Variants in PRKD2 observed in about 807,000 individuals in gnomAD.
PRKD2 encodes protein kinase D2, also known as serine/threonine-protein kinase D2.
In PRKD2, 22 loss-of-function variants were observed where a neutral mutation model predicts 86.0. The observed-to-expected ratio is 0.26, with a 90% confidence interval of 0.18 to 0.37. The LOEUF is 0.37. Ranked by LOEUF, PRKD2 falls within the 10% of genes least tolerant of loss-of-function variation. The pLI is 1.00. For synonymous variants in PRKD2, 509 were observed against 510.9 expected (o/e 1.00, Z 0.05); for missense variants, 818 against 1,199.2 (o/e 0.68, Z 4.70).
chr19:46,686,910 C>G (rs2053406937), intron 14 of PRKD2, among the ~76,000 whole-genome samples: 1 of 151,260 alleles, frequency 6.6e-6, no homozygotes, highest in South Asian at 2.1e-4. Context: ...GAGATGGTGC[C>G]ACTGCACTCC....
At chr19:46,689,802 C>T in intron 13 of PRKD2, 104 bp from the exon 14 acceptor site, 2 of 1,371,048 alleles carry the variant, frequency 1.5e-6, no homozygotes, top group Non-Finnish European at 2.0e-6. Flanking sequence ...GAAGGATGTC[C>T]CTGGGGTATT....
rs2053882674 is a variant in PRKD2, at chr19:46,716,436, C to T, written c.-66G>A. ...ACCCGGCCGGGGGGCCCCGGGGGAC[C>T]CTGGGTTCTAGATCCGCGGGATCTC... On this transcript the variant is annotated 5_prime_UTR_variant, in exon 1 of 18. Coordinates refer to ENST00000291281, the MANE Select transcript of PRKD2 (RefSeq NM_016457.5). This position sits in a 1 kb window ranked among gnomAD's most constrained non-coding sequence, Gnocchi z 7.9. 4 of 1,019,466 alleles carry T rather than the reference C, an allele frequency of 3.9e-6. No homozygotes were observed. In the African/African-American group the frequency reaches 6.9e-5, roughly 18 times the overall value. The allele number at this position is 1,019,466 out of a possible 1,614,324, so 63.2% of individuals were successfully genotyped here.
chr19:46,685,709 G>C (rs978805423), intron 14 of PRKD2: 1 of 152,284 alleles, frequency 6.6e-6, no homozygotes, highest in African/African-American at 2.4e-5. Flanking sequence ...AGCACTTCAG[G>C]AGGCTGAGGC....
At chr19:46,697,960 T>G (rs2053585148) in intron 7 of PRKD2, 110 bp from the exon 8 acceptor site, 1 of 864,086 alleles carries the variant, frequency 1.2e-6, no homozygotes, top group East Asian at 2.5e-5. Context: ...TGTTTTTGTT[T>G]GTTTGGTTTG....
At chr19:46,679,385 T>C (rs2053262186) in intron 15 of PRKD2, among the ~76,000 whole-genome samples, 1 of 152,162 alleles carries the variant, frequency 6.6e-6, no homozygotes, top group Admixed American at 6.6e-5. Flanking sequence ...GTCCCTACCT[T>C]AAAGGGTGCT....
At chr19:46,697,458 C>G in intron 8 of PRKD2, 3 of 592,064 alleles carry the variant, frequency 5.1e-6, no homozygotes, top group South Asian at 4.1e-5. Context: ...GACTCGCCCC[C>G]ACTTAGCCCT....
At chr19:46,680,946 A>ATTTTTTTTTT (rs1222612655) in intron 15 of PRKD2, among the ~76,000 whole-genome samples, 3 of 48,254 alleles carry the variant, frequency 6.2e-5, no homozygotes, top group Non-Finnish European at 1.2e-4. Context: ...ATATATATAT[A>ATTTTTTTTTT]TTTTTTTTTT....
intron 2 of PRKD2, 72 bp downstream of exon 2, chr19:46,713,791 C>G (rs2053842333): frequency 6.2e-6 from 8 of 1,297,810 alleles, no homozygotes; most frequent in South Asian, 1.4e-5. Context: ...TCTAACTCCC[C>G]CTACCCTCTC....
rs1164904573 is a variant in PRKD2, at chr19:46,693,845, C to A, written c.1576+30G>T. 3 of 1,563,736 alleles carry A rather than the reference C, an allele frequency of 1.9e-6. No homozygotes were observed. Among genetic ancestry groups the A allele is most frequent in the African/African-American group, 2.7e-5 (2 of 74,186 alleles). ...CGTGCCCCACCCATCTAGATCTATT[C>A]TCTCAAGGACCCGAGGTGGGAGGAC... On this transcript the variant is annotated intron_variant, in intron 10 of 17. Transcript: ENST00000291281. This position sits in a 1 kb window ranked among gnomAD's most constrained non-coding sequence, Gnocchi z 4.5.
At chr19:46,703,993 A>C (rs975953604) in intron 5 of PRKD2, among the ~76,000 whole-genome samples, 176 bp downstream of exon 5, 5 of 149,424 alleles carry the variant, frequency 3.3e-5, no homozygotes, top group Non-Finnish European at 6.0e-5. Context: ...ACACACACAC[A>C]ACTGAGGTTC....
chr19:46,674,693 T>C lies in PRKD2; in HGVS notation c.2467A>G (p.Met823Val). The C allele has an allele frequency of 1.2e-6, 2 of 1,605,962 alleles. No individual in the cohort carries two copies. The highest frequency in any genetic ancestry group is 1.7e-6 in the Non-Finnish European group (2 of 1,179,940). ...WLDLRELEGK[M>V]GERYITHESD... ...TCATGCGTGATGTATCGCTCTCCCA[T>C]CTTCCCCTCCAGCTCTCGGAGGTCC... The change falls in exon 18 of 18, where the codon ATG becomes GTG. Residue 823 changes from methionine (M) to valine (V), a missense_variant. This residue lies in a region of PRKD2 where 132 missense variants were observed against 146.2 expected (regional missense o/e 0.90). Transcript: ENST00000291281.
chr19:46,706,979 AC>A (rs1453463073), intron 3 of PRKD2, among the ~76,000 whole-genome samples: 1 of 140,110 alleles, frequency 7.1e-6, no homozygotes, highest in African/African-American at 2.7e-5. Flanking sequence ...TGCAACCTCC[AC>A]CCCCTCAGGT....
intron 5 of PRKD2, 43 bp downstream of exon 5, chr19:46,704,126 G>A: frequency 1.9e-6 from 3 of 1,610,276 alleles, no homozygotes; most frequent in Non-Finnish European, 2.5e-6. Context: ...GGGCGGGAAG[G>A]AGGTTCTGAC....
chr19:46,711,088 T>G lies in PRKD2; in HGVS notation c.380-50A>C, dbSNP rs1599843119. The G allele has an allele frequency of 2.6e-6, 4 of 1,531,960 alleles. No individual in the cohort carries two copies. The South Asian group carries it at 4.8e-5, about 18-fold the overall frequency. 94.9% of individuals were successfully genotyped at this position (1,531,960 alleles called of 1,614,324 possible). A position where few individuals can be genotyped will look rare whatever the true frequency, so the allele number is the denominator to read the frequency against. On this transcript the variant is annotated intron_variant, in intron 2 of 17. Transcript: ENST00000291281. ...TGCTTGAGGCGGGGTAGGCCAAAGC[T>G]TTTCCAGACCCCACGTTCCCTGATT...
intron 3 of PRKD2, 113 bp from the exon 4 acceptor site, chr19:46,704,762 C>G (rs1236498269): frequency 2.1e-5 from 28 of 1,346,018 alleles, no homozygotes; most frequent in South Asian, 5.9e-5. Flanking sequence ...CCATCACCCC[C>G]CGCCAGCACG....
At chr19:46,676,754 G>A (rs1425416413) in intron 16 of PRKD2, among the ~76,000 whole-genome samples, 4 of 152,116 alleles carry the variant, frequency 2.6e-5, no homozygotes, top group Non-Finnish European at 5.9e-5. Flanking sequence ...AGGGACTTCT[G>A]AGTGGGTCTC....
chr19:46,714,477 T>TGGGGGGGGGGGGGGGGGGGGGGGGGG (rs567281554), intron 1 of PRKD2: 1 of 40,952 alleles, frequency 2.4e-5, no homozygotes, highest in Admixed American at 2.6e-4. Flanking sequence ...CCTGGGAAAG[T>TGGGGGGGGGGGGGGGGGGGGGGGGGG]GGGGGGGGGG....
In PRKD2 at chr19:46,700,940, T is replaced by A; in HGVS notation, c.980A>T (p.Glu327Val). Residue 327 changes from glutamate (E) to valine (V), a missense_variant, in exon 7 of 18, where the codon GAG becomes GTG. Transcript: ENST00000291281. The part of the protein sequence containing the change: ...EALINGDVPM[E>V]EATDFSEADK... ...AGCCTCGCTGAAATCGGTGGCCTCC[T>A]CCATCGGCACATCTGTGGGGACGGA... 2 of 1,614,202 alleles carry A rather than the reference T, an allele frequency of 1.2e-6. No homozygotes were observed. The highest frequency in any genetic ancestry group is 1.7e-6 in the Non-Finnish European group (2 of 1,180,026).
intron 3 of PRKD2, chr19:46,709,399 T>A (rs2041120371): frequency 6.3e-6 from 1 of 159,090 alleles, no homozygotes; most frequent in Non-Finnish European, 1.5e-5. Context: ...GTTTTGCTCT[T>A]GTTGCCCAGG....
Sources: allele counts gnomAD v4.1 joint callset (sites outside exome capture counted in the v4.1 genomes callset), GRCh38; gene constraint gnomAD v4.1.1; regional missense constraint gnomAD v4.1.1; non-coding constraint Gnocchi (gnomAD v3.1); transcripts MANE v1.5; gene names NCBI Gene and HGNC (gene_info 2026-07-23, HGNC 2026-07-21).